EVPLL: variants seen among roughly 807,000 people sequenced by gnomAD.
EVPLL encodes the protein envoplakin-like protein.
Under a neutral mutation model 46.2 loss-of-function variants are expected in EVPLL, and 39 were observed. The ratio of observed to expected loss-of-function variants is 0.84; its 90% CI spans 0.65 to 1.10. EVPLL has a LOEUF of 1.10. Among genes scored for constraint, EVPLL ranks in the 50% least tolerant of loss-of-function variants. The pLI is 0.00. For missense variants in EVPLL, 385 were observed against 412.6 expected, an observed-to-expected ratio of 0.93 and a Z score of 0.58; for synonymous variants, 156 against 165.8, an observed-to-expected ratio of 0.94 and a Z score of 0.46.
chr17:18,384,551 G>A lies in EVPLL; in HGVS notation c.876+964G>A, dbSNP rs147051663. 2.4e-3 allele frequency among the ~76,000 whole-genome samples: 366 copies of A among 152,230 alleles called. 3 individuals carry two copies. The highest frequency in any genetic ancestry group is 8.2e-3 in the African/African-American group (342 of 41,524). ...TGGAGACCAGCCTGGGCAACATGAC[G>A]AAATCCTGTCTCTACAAAAAATATA... is the stretch of plus-strand genomic sequence containing the variant. On this transcript the variant is annotated intron_variant, in intron 9 of 10. Coordinates refer to ENST00000399134, the MANE Select transcript of EVPLL (RefSeq NM_001145127.2).
intron 1 of EVPLL, among the ~76,000 whole-genome samples, 198 bp downstream of exon 1, chr17:18,378,181 G>C (rs1311125210): frequency 6.6e-6 from 1 of 152,230 alleles, no homozygotes; most frequent in East Asian, 1.9e-4. Context: ...CTTCAGCCCT[G>C]GCAGGAGGCA....
chr17:18,378,910 T>C (rs1987471541), intron 1 of EVPLL, among the ~76,000 whole-genome samples: 1 of 152,062 alleles, frequency 6.6e-6, no homozygotes, highest in Non-Finnish European at 1.5e-5. Context: ...AAATCCCATC[T>C]CTATAAAAAA....
At chr17:18,382,955 C>T in intron 6 of EVPLL, 70 bp from the exon 7 acceptor site, 11 of 1,574,936 alleles carry the variant, frequency 7.0e-6, no homozygotes, top group Non-Finnish European at 9.5e-6. Flanking sequence ...CTGAGCGCCG[C>T]CCAATGGCGC....
At chr17:18,387,583 A>G (rs575488968) in intron 9 of EVPLL, among the ~76,000 whole-genome samples, 9 of 150,870 alleles carry the variant, frequency 6.0e-5, no homozygotes, top group Non-Finnish European at 1.2e-4. Flanking sequence ...AGAAGTGAAC[A>G]CAGGGGAGGA....
In EVPLL at chr17:18,381,137, T is replaced by A; in HGVS notation, c.63+137T>A. The A allele has an allele frequency of 8.1e-7, 1 of 1,235,954 alleles. No homozygotes were observed. Among genetic ancestry groups the A allele is most frequent in the Non-Finnish European group, 1.1e-6 (1 of 881,382 alleles). The allele number at this position is 1,235,954 out of a possible 1,614,324, so 76.6% of individuals were successfully genotyped here. A position where few individuals can be genotyped will look rare whatever the true frequency, so the allele number is the denominator to read the frequency against. On this transcript the variant is annotated intron_variant, in intron 2 of 10. Transcript: ENST00000399134. This position sits in a 1 kb window ranked among gnomAD's most constrained non-coding sequence, Gnocchi z 4.2. Reference sequence around the variant, plus strand: ...GATGACATTTGTCCTGCACCGCCTGTCCCCTAACACACGGTGGGAGAGAGG... The same window carrying A: ...GATGACATTTGTCCTGCACCGCCTGACCCCTAACACACGGTGGGAGAGAGG...
Position 18,380,713 on chromosome 17 carries a change from G to A in EVPLL, c.-36-189G>A, listed in dbSNP as rs571232184. On this transcript the variant is annotated intron_variant, in intron 1 of 10. Transcript: ENST00000399134. ...CTCACCTTTTGACCCCTCATGTGGC[G>A]GGGCAGTGCTAACACCCCCAACCAG... The A allele has an allele frequency of 1.6e-3, 932 of 571,366 alleles. 9 individuals are homozygous for A. The highest frequency in any genetic ancestry group is 0.01 in the Middle Eastern group (24 of 2,378). 35.4% of individuals were successfully genotyped at this position (571,366 alleles called of 1,614,324 possible).
chr17:18,387,991 TG>T (rs1295386363), intron 9 of EVPLL: 1 of 162,108 alleles, frequency 6.2e-6, no homozygotes, highest in Non-Finnish European at 1.3e-5. Flanking sequence ...TCAGCCTGGG[TG>T]ATGGAGCAAG....
Position 18,381,816 on chromosome 17 carries a change from A to G in EVPLL, c.346+86A>G, listed in dbSNP as rs1383912488. ...CCAGGGCCTGACTGTAGGCTTGAACAGTCAGTGTATAGTGGTGTCTCAGGG... is the reference window on the plus strand; with the variant it reads ...CCAGGGCCTGACTGTAGGCTTGAACGGTCAGTGTATAGTGGTGTCTCAGGG... On this transcript the variant is annotated intron_variant, in intron 4 of 10. Transcript: ENST00000399134. The surrounding 1 kb of genome is among the most constrained non-coding windows in gnomAD (Gnocchi z 4.2). 6.3e-7 allele frequency: 1 copy of G among 1,598,988 alleles called. No individual in the cohort carries two copies. The highest frequency in any genetic ancestry group is 8.5e-7 in the Non-Finnish European group (1 of 1,172,422).
At chr17:18,386,199 C>T (rs1987759105) in intron 9 of EVPLL, among the ~76,000 whole-genome samples, 1 of 152,104 alleles carries the variant, frequency 6.6e-6, no homozygotes, top group Admixed American at 6.5e-5. Context: ...GGTGGCCTTC[C>T]CGGTGTCTCT....
chr17:18,382,870 C>G lies in EVPLL; in HGVS notation c.511+6C>G. ...GCCAATACCGAGACCTACTGGTGAG[C>G]AGGAGGGAGGGTCGGGCAGGGTGGC... On this transcript the variant is annotated splice_donor_region_variant and intron_variant, in intron 6 of 10. Coordinates refer to ENST00000399134, the MANE Select transcript of EVPLL (RefSeq NM_001145127.2). 6.2e-7 allele frequency: 1 copy of G among 1,612,990 alleles called. No homozygotes were observed. The highest frequency in any genetic ancestry group is 8.5e-7 in the Non-Finnish European group (1 of 1,179,604).
chr17:18,389,246 G>GC lies in EVPLL; in HGVS notation c.*432dup, dbSNP rs1987871429. On this transcript the variant is annotated 3_prime_UTR_variant, in exon 11 of 11. Coordinates refer to ENST00000399134, the MANE Select transcript of EVPLL (RefSeq NM_001145127.2). ...AGAGAGGCCTCTTTTATTTACCAGA[G>GC]CCACAGCCCTGCTGCCTCAGGACCT... 1 of 147,966 alleles carries GC rather than the reference G, an allele frequency of 6.8e-6. No homozygotes were observed. The highest frequency in any genetic ancestry group is 2.5e-5 in the African/African-American group (1 of 39,628). 9.2% of individuals were successfully genotyped at this position (147,966 alleles called of 1,614,324 possible). A position where few individuals can be genotyped will look rare whatever the true frequency, so the allele number is the denominator to read the frequency against.
intron 9 of EVPLL, among the ~76,000 whole-genome samples, chr17:18,384,317 A>G (rs1350111960): frequency 6.6e-6 from 1 of 151,894 alleles, no homozygotes; most frequent in Non-Finnish European, 1.5e-5. Context: ...AAATAAAAAT[A>G]AAAACTAGCC....
chr17:18,382,893 G>T, intron 6 of EVPLL, 29 bp downstream of exon 6: 1 of 1,596,822 alleles, frequency 6.3e-7, no homozygotes, highest in Non-Finnish European at 8.6e-7. Context: ...CGGGCAGGGT[G>T]GCTGCAGGTG....
chr17:18,382,596 G>C lies in EVPLL; in HGVS notation c.430G>C (p.Asp144His), dbSNP rs1373239671. The change falls in exon 5 of 11, where the codon GAT becomes CAT. Residue 144 changes from aspartate to histidine, a missense_variant. Coordinates refer to ENST00000399134, the MANE Select transcript of EVPLL (RefSeq NM_001145127.2). ...CGGAGCTCAACATCGTGCAGAAGGAGATCAACGACCAAGGAGAGCAGCTGC... is the reference window on the plus strand; with the variant it reads ...CGGAGCTCAACATCGTGCAGAAGGACATCAACGACCAAGGAGAGCAGCTGC... ...DRGAQHRAEG[D>H]QRPRRAAAEP... The C allele has an allele frequency of 6.4e-7, 1 of 1,551,820 alleles. No individual in the cohort carries two copies. The highest frequency in any genetic ancestry group is 1.4e-5 in the African/African-American group (1 of 73,068).
At chr17:18,382,972 C>A (rs1488221574) in intron 6 of EVPLL, 53 bp from the exon 7 acceptor site, 43 of 1,565,860 alleles carry the variant, frequency 2.7e-5, no homozygotes, top group Non-Finnish European at 3.1e-5. Flanking sequence ...GCGCCTTTTG[C>A]CCCCCACTTT....
In EVPLL at chr17:18,381,124, C is replaced by A; in HGVS notation, c.63+124C>A. ...TGAAGATGGGACAGATGACATTTGT[C>A]CTGCACCGCCTGTCCCCTAACACAC... is the stretch of plus-strand genomic sequence containing the variant. On this transcript the variant is annotated intron_variant, in intron 2 of 10. Transcript: ENST00000399134. The surrounding 1 kb of genome is among the most constrained non-coding windows in gnomAD (Gnocchi z 4.2). 7.9e-7 allele frequency: 1 copy of A among 1,267,708 alleles called. No homozygotes were observed. The allele number at this position is 1,267,708 out of a possible 1,614,324, so 78.5% of individuals were successfully genotyped here.
rs766898720 is a variant in EVPLL at position 18,382,521 on chromosome 17, C to G, written c.355C>G (p.Leu119Val). Reference sequence around the variant, plus strand: ...CGCCGGCTCTCCTGCAGAAGCTGGTCTGCGCAGGCCAGTATGGGCCGGGCA... The same window carrying G: ...CGCCGGCTCTCCTGCAGAAGCTGGTGTGCGCAGGCCAGTATGGGCCGGGCA... ...TRAGAETEAG[L>V]RRPVWAGHGG... The change falls in exon 5 of 11, where the codon CTG (leucine) becomes GTG (valine). Residue 119 changes from leucine to valine, a missense_variant. Leu to Val is a conservative substitution (Grantham distance 32). Transcript: ENST00000399134. 1.3e-6 allele frequency: 2 copies of G among 1,551,692 alleles called. No individual in the cohort carries two copies. The highest frequency in any genetic ancestry group is 1.7e-6 in the Non-Finnish European group (2 of 1,146,988).
At chr17:18,387,246 A>G (rs1469093002) in intron 9 of EVPLL, among the ~76,000 whole-genome samples, 2 of 151,818 alleles carry the variant, frequency 1.3e-5, no homozygotes, top group Non-Finnish European at 2.9e-5. Flanking sequence ...TGTTTAAGAA[A>G]GGGATCCTTT....
intron 9 of EVPLL, among the ~76,000 whole-genome samples, chr17:18,385,064 G>A (rs1212939731): frequency 2.0e-5 from 3 of 151,828 alleles, no homozygotes; most frequent in Admixed American, 1.3e-4. Context: ...GAAAGGGAGA[G>A]AGGGAGAGAG....
Sources: allele counts gnomAD v4.1 joint callset (sites outside exome capture counted in the v4.1 genomes callset), GRCh38; gene constraint gnomAD v4.1.1; non-coding constraint Gnocchi (gnomAD v3.1); transcripts MANE v1.5; gene names NCBI Gene and HGNC (gene_info 2026-07-23, HGNC 2026-07-21).